CFAP97D2: variants seen among roughly 807,000 people sequenced by gnomAD.
The protein encoded by CFAP97D2 is CFAP97 domain containing 2, also known as uncharacterized protein CFAP97D2.
At chr13:114,209,221 C>T (rs2080955443) in intron 3 of CFAP97D2, among the ~76,000 whole-genome samples, 3 of 152,248 alleles carry the variant, frequency 2.0e-5, no homozygotes, top group Non-Finnish European at 2.9e-5. Context: ...CACCATCCCG[C>T]TGTCCGCATC....
chr13:114,216,300 TTC>T lies in CFAP97D2; in HGVS notation c.480+4201_480+4202del, dbSNP rs1318407682. ...TCATTTTATTTTTTACTTATTTATT[TTC>T]TGTTATACTTTAAGTTCTAGGGTAC... On this transcript the variant is annotated intron_variant, in intron 4 of 4. Coordinates refer to ENST00000646158, the Ensembl canonical transcript of CFAP97D2. Among the ~76,000 whole-genome samples, 4 of 152,190 alleles carry T rather than the reference TTC, an allele frequency of 2.6e-5. No individual in the cohort carries two copies. The East Asian group carries it at 7.7e-4, about 29-fold the overall frequency.
rs1284494781 is a variant in CFAP97D2 at position 114,186,920 on chromosome 13, A to G, written c.90+7500A>G. Among the ~76,000 whole-genome samples the G allele has an allele frequency of 6.6e-6, 1 of 152,254 alleles. No individual in the cohort carries two copies. Among genetic ancestry groups the G allele is most frequent in the Non-Finnish European group, 1.5e-5 (1 of 68,044 alleles). On this transcript the variant is annotated intron_variant, in intron 1 of 4. Transcript: ENST00000646158. The surrounding 1 kb of genome is among the most constrained non-coding windows in gnomAD (Gnocchi z 4.3). Reference sequence around the variant, plus strand: ...TGAGCTGAGCACAGCCTGCCAGTCCAAGTGGGCCCAGTGGGCCCGAGCAAA... The same window carrying G: ...TGAGCTGAGCACAGCCTGCCAGTCCGAGTGGGCCCAGTGGGCCCGAGCAAA...
chr13:114,202,117 G>A lies in CFAP97D2; in HGVS notation c.290+1674G>A, dbSNP rs183986834. The stretch of plus-strand genomic sequence containing the variant: ...GTGTATAGGTTCATCAAGTATCTGC[G>A]TTTTGTCTGCCTTTCAGTTAGCATA... On this transcript the variant is annotated intron_variant, in intron 3 of 4. Coordinates refer to ENST00000646158, the Ensembl canonical transcript of CFAP97D2. 2.2e-3 allele frequency among the ~76,000 whole-genome samples: 334 copies of A among 152,302 alleles called. 2 individuals carry two copies. Among genetic ancestry groups the A allele is most frequent in the African/African-American group, 7.8e-3 (325 of 41,560 alleles).
At chr13:114,212,769 T>A (rs1260473569) in intron 4 of CFAP97D2, among the ~76,000 whole-genome samples, 1 of 152,114 alleles carries the variant, frequency 6.6e-6, no homozygotes, top group Non-Finnish European at 1.5e-5. Context: ...GGAGAATCAC[T>A]TGAACCCAGG....
intron 1 of CFAP97D2, among the ~76,000 whole-genome samples, chr13:114,190,020 C>T (rs1042226363): frequency 1.3e-5 from 2 of 151,854 alleles, no homozygotes; most frequent in Admixed American, 1.3e-4. Context: ...CTCATGTTTG[C>T]CATCCTAGCT....
chr13:114,217,861 T>C (rs1383456132), intron 4 of CFAP97D2, among the ~76,000 whole-genome samples: 6 of 152,204 alleles, frequency 3.9e-5, no homozygotes, highest in Admixed American at 1.3e-4. Context: ...AATTCGGTAT[T>C]GATAGGACGT....
rs2080855873 is a variant in CFAP97D2 at position 114,187,376 on chromosome 13, T to C, written c.90+7956T>C. Among the ~76,000 whole-genome samples, 1 of 152,018 alleles carries C rather than the reference T, an allele frequency of 6.6e-6. No individual in the cohort carries two copies. Among genetic ancestry groups the C allele is most frequent in the African/African-American group, 2.4e-5 (1 of 41,484 alleles). On this transcript the variant is annotated intron_variant, in intron 1 of 4. Transcript: ENST00000646158. This position sits in a 1 kb window ranked among gnomAD's most constrained non-coding sequence, Gnocchi z 4.2. Reference sequence around the variant, plus strand: ...TAAAAAAAAAAGGCCCAACTATATGTTGTCCACAAGAAACCATTTTAAGTA... The same window carrying C: ...TAAAAAAAAAAGGCCCAACTATATGCTGTCCACAAGAAACCATTTTAAGTA...
intron 4 of CFAP97D2, among the ~76,000 whole-genome samples, chr13:114,221,120 G>A (rs543811455): frequency 3.9e-5 from 6 of 152,330 alleles, no homozygotes; most frequent in South Asian, 2.1e-4. Flanking sequence ...AGTGGCGTGC[G>A]CCTGTAGTCC....
chr13:114,191,190 A>G (rs1463616117), intron 1 of CFAP97D2, among the ~76,000 whole-genome samples: 1 of 152,104 alleles, frequency 6.6e-6, no homozygotes, highest in South Asian at 2.1e-4. Context: ...TTTTTTTTAA[A>G]TCAGCAAGCA....
At chr13:114,198,451 A>G (rs1045852246) in intron 2 of CFAP97D2, among the ~76,000 whole-genome samples, 9 of 152,238 alleles carry the variant, frequency 5.9e-5, no homozygotes, top group African/African-American at 2.2e-4. Context: ...CTTATAACTG[A>G]ATAAAATATC....
At chr13:114,217,429 C>T (rs1172147518) in intron 4 of CFAP97D2, among the ~76,000 whole-genome samples, 2 of 152,142 alleles carry the variant, frequency 1.3e-5, no homozygotes, top group African/African-American at 2.4e-5. Flanking sequence ...GATTCACAGC[C>T]GAATTCTACC....
Position 114,196,388 on chromosome 13 carries a change from T to C in CFAP97D2, c.91-8T>C. ...GCGCCCAGGTAACGCTGCCTCCTCA[T>C]GCCACAGGTCCAGAGCGCCCAGCCG... is the stretch of plus-strand genomic sequence containing the variant. On this transcript the variant is annotated splice_region_variant and splice_polypyrimidine_tract_variant and intron_variant, in intron 1 of 4. Coordinates refer to ENST00000646158, the Ensembl canonical transcript of CFAP97D2. The C allele has an allele frequency of 2.5e-6, 1 of 399,726 alleles. No homozygotes were observed. The highest frequency in any genetic ancestry group is 4.4e-6 in the Non-Finnish European group (1 of 226,090). 24.8% of individuals were successfully genotyped at this position (399,726 alleles called of 1,614,324 possible).
At chr13:114,216,131 C>A (rs2080992275) in intron 4 of CFAP97D2, among the ~76,000 whole-genome samples, 1 of 152,178 alleles carries the variant, frequency 6.6e-6, no homozygotes, top group Non-Finnish European at 1.5e-5. Context: ...ACCTCTTCTG[C>A]TGGCTTTGCC....
chr13:114,199,083 T>C (rs111968198), intron 2 of CFAP97D2, among the ~76,000 whole-genome samples: 4 of 30,666 alleles, frequency 1.3e-4, no homozygotes, highest in Non-Finnish European at 2.3e-4. Flanking sequence ...CGTCCCCGTG[T>C]GTACGGTCCC....
At chr13:114,201,406 G>A (rs1252503272) in intron 3 of CFAP97D2, among the ~76,000 whole-genome samples, 3 of 152,146 alleles carry the variant, frequency 2.0e-5, no homozygotes, top group South Asian at 2.1e-4. Context: ...CAGGTACCTC[G>A]AGGTGTGTGA....
chr13:114,182,168 A>C (rs372855300), intron 1 of CFAP97D2, among the ~76,000 whole-genome samples: 3,324 of 123,390 alleles, frequency 0.027, 332 homozygotes, highest in Non-Finnish European at 0.025. Flanking sequence ...AGGTCAGCAA[A>C]AAACGTGAGC....
intron 4 of CFAP97D2, among the ~76,000 whole-genome samples, chr13:114,221,942 A>G (rs1172245518): frequency 2.0e-5 from 3 of 152,262 alleles, no homozygotes; most frequent in Non-Finnish European, 4.4e-5. Context: ...ACAATGACCA[A>G]GAGGTGTAAA....
At chr13:114,215,625 G>A (rs2080989979) in intron 4 of CFAP97D2, 1 of 152,098 alleles carries the variant, frequency 6.6e-6, no homozygotes, top group African/African-American at 2.4e-5. Flanking sequence ...TATTTTTTCA[G>A]TTTATTACAA....
At chr13:114,195,929 A>AAC (rs959315512) in intron 1 of CFAP97D2, among the ~76,000 whole-genome samples, 1 of 151,746 alleles carries the variant, frequency 6.6e-6, no homozygotes, top group African/African-American at 2.4e-5. Flanking sequence ...AAAAAAAAAA[A>AAC]AAAACTAGCT....
Sources: allele counts gnomAD v4.1 joint callset (sites outside exome capture counted in the v4.1 genomes callset), GRCh38; gene constraint gnomAD v4.1.1; non-coding constraint Gnocchi (gnomAD v3.1); transcripts MANE v1.5; gene names NCBI Gene and HGNC (gene_info 2026-07-23, HGNC 2026-07-21).